The following PYY variants were observed in gnomAD, a reference collection of about 807,000 sequenced individuals.
PYY encodes the protein peptide YY.
Under a neutral mutation model 10.3 loss-of-function variants are expected in PYY, and 12 were observed. The ratio of observed to expected loss-of-function variants is 1.17; its 90% confidence interval spans 0.75 to 1.89. PYY has a LOEUF of 1.89. PYY is among the 40% of genes most tolerant of loss of function. The pLI is 0.00. For synonymous variants in PYY, 66 were observed against 62.0 expected, an observed-to-expected ratio of 1.06 and a Z score of -0.30; for missense variants, 141 against 134.0, an observed-to-expected ratio of 1.05 and a Z score of -0.26.
chr17:43,955,582 C>T (rs231462), upstream of PYY, among the ~76,000 whole-genome samples: 1 of 151,960 alleles, frequency 6.6e-6, no homozygotes, highest in Non-Finnish European at 1.5e-5. Flanking sequence ...AGATCCTGCC[C>T]TTGGAGGGAG....
intron 1 of PYY, among the ~76,000 whole-genome samples, chr17:43,983,081 A>G (rs887937435): frequency 1.3e-4 from 19 of 151,938 alleles, no homozygotes; most frequent in Non-Finnish European, 2.6e-4. Context: ...AAAATATAAA[A>G]ATGAGCCGGG....
chr17:43,982,438 G>A (rs1169965147), intron 1 of PYY, among the ~76,000 whole-genome samples: 1 of 152,274 alleles, frequency 6.6e-6, no homozygotes, highest in Non-Finnish European at 1.5e-5. Flanking sequence ...ACACACTCAT[G>A]TACGCCACTT....
At chr17:43,997,169 G>A (rs2048997198) in intron 1 of PYY, among the ~76,000 whole-genome samples, 1 of 152,054 alleles carries the variant, frequency 6.6e-6, no homozygotes, top group African/African-American at 2.4e-5. Context: ...CTCCTGAGTA[G>A]CTGGGATTAC....
chr17:43,969,867 C>T (rs58908349), intron 1 of PYY, among the ~76,000 whole-genome samples: 2 of 151,692 alleles, frequency 1.3e-5, no homozygotes, highest in East Asian at 2.0e-4. Flanking sequence ...CTCAGCCTCC[C>T]GAGTAGCTGG....
chr17:43,958,835 T>C (rs1017381034), upstream of PYY, among the ~76,000 whole-genome samples: 6 of 152,246 alleles, frequency 3.9e-5, no homozygotes, highest in African/African-American at 1.4e-4. Flanking sequence ...CAGGTGTATT[T>C]GTCATTGTAA....
intron 1 of PYY, among the ~76,000 whole-genome samples, chr17:44,002,654 A>G (rs1033911342): frequency 1.3e-5 from 2 of 152,278 alleles, no homozygotes; most frequent in African/African-American, 4.8e-5. Context: ...AAACTTGCTT[A>G]ACAGCATGGA....
chr17:43,980,603 A>T (rs1008801012), intron 1 of PYY, among the ~76,000 whole-genome samples: 3 of 151,834 alleles, frequency 2.0e-5, no homozygotes, highest in Non-Finnish European at 2.9e-5. Flanking sequence ...CCTCCGGAGT[A>T]GCTGGGATTA....
upstream of PYY, among the ~76,000 whole-genome samples, chr17:43,955,874 C>A (rs548607913): frequency 1.3e-5 from 2 of 151,908 alleles, no homozygotes; most frequent in Non-Finnish European, 2.9e-5. Context: ...TCTGTGATCC[C>A]AGGGATCAGG....
chr17:43,978,066 C>T (rs147848067), intron 1 of PYY, among the ~76,000 whole-genome samples: 7 of 146,402 alleles, frequency 4.8e-5, no homozygotes, highest in South Asian at 2.2e-4. Context: ...CATGGTGGCA[C>T]GCACCTGTAA....
Position 43,989,179 on chromosome 17 carries a change from C to T in PYY, c.-463+15212G>A, listed in dbSNP as rs537124239. 1.2e-3 allele frequency among the ~76,000 whole-genome samples: 175 copies of T among 152,042 alleles called. 1 individual carries two copies. The highest frequency in any genetic ancestry group is 2.9e-3 in the African/African-American group (122 of 41,524). ...CACGAGGTCAGGAGATCAAGACCAT[C>T]CTGGCTAACACGGTGAAACCCCGTC... is the stretch of plus-strand genomic sequence containing the variant. On this transcript the variant is annotated intron_variant, in intron 1 of 6. Transcript: ENST00000360085.
At chr17:43,971,324 C>T (rs528855500) in intron 1 of PYY, among the ~76,000 whole-genome samples, 2 of 152,170 alleles carry the variant, frequency 1.3e-5, no homozygotes, top group Non-Finnish European at 2.9e-5. Flanking sequence ...AATCCCAGCA[C>T]TTTGGGAGGC....
chr17:43,978,340 A>T (rs2048862154), intron 1 of PYY, among the ~76,000 whole-genome samples: 1 of 151,554 alleles, frequency 6.6e-6, no homozygotes, highest in Admixed American at 6.6e-5. Flanking sequence ...AGAAAAGGAA[A>T]GGAAGGAAAA....
intron 1 of PYY, among the ~76,000 whole-genome samples, chr17:44,000,673 C>T (rs1206042155): frequency 2.0e-5 from 3 of 151,424 alleles, no homozygotes; most frequent in Admixed American, 6.6e-5. Flanking sequence ...TTCAGCCTCC[C>T]GAGTAGCTGG....
chr17:43,956,020 C>T (rs1005245809), upstream of PYY, among the ~76,000 whole-genome samples: 4 of 151,970 alleles, frequency 2.6e-5, no homozygotes, highest in South Asian at 2.1e-4. Context: ...TGGACAGAGA[C>T]GAAGGAAACT....
chr17:43,957,994 C>CA (rs1233272429), upstream of PYY: 1 of 154,534 alleles, frequency 6.5e-6, no homozygotes, highest in Non-Finnish European at 1.5e-5. Context: ...GCGCCCAAGG[C>CA]TCAGGCTTCG....
intron 1 of PYY, among the ~76,000 whole-genome samples, chr17:43,980,134 T>G (rs1303995185): frequency 6.6e-6 from 1 of 151,302 alleles, no homozygotes; most frequent in East Asian, 1.9e-4. Flanking sequence ...ATAGTATTCT[T>G]TTTTCTTTCT....
intron 2 of PYY, among the ~76,000 whole-genome samples, chr17:43,961,628 C>G (rs1161719155): frequency 6.6e-6 from 1 of 152,090 alleles, no homozygotes; most frequent in African/African-American, 2.4e-5. Flanking sequence ...GCAACCTCCG[C>G]CTCCTGGGTT....
In PYY at chr17:43,953,326, C is replaced by T; in HGVS notation, c.158G>A (p.Arg53His). Residue 53 changes from arginine (R) to histidine (H), a missense_variant, in exon 2 of 4, where the codon CGC (arginine) becomes CAC (histidine). By Grantham distance (29) the Arg-to-His change is conservative. Transcript: ENST00000692052. ...EELNRYYASL[R>H]HYLNLVTRQR... ...CCGGGTGACCAGGTTGAGGTAGTGG[C>T]GCAGGGAGGCGTAGTAGCGGTTCAG... is the stretch of plus-strand genomic sequence containing the variant. 1.2e-6 allele frequency: 2 copies of T among 1,612,678 alleles called. No homozygotes were observed. The highest frequency in any genetic ancestry group is 8.5e-7 in the Non-Finnish European group (1 of 1,179,510).
In PYY at chr17:43,975,731, T is replaced by A. The variant is rs927441880; in HGVS notation, c.-462-9199A>T. Among the ~76,000 whole-genome samples, 494 of 91,210 alleles carry A rather than the reference T, an allele frequency of 5.4e-3. 122 individuals carry two copies. In the East Asian group the frequency reaches 0.079, roughly 15 times the overall value. The allele number at this position is 91,210 out of a possible 152,430, so 59.8% of individuals were successfully genotyped here. A position where few individuals can be genotyped will look rare whatever the true frequency, so the allele number is the denominator to read the frequency against. On this transcript the variant is annotated intron_variant, in intron 1 of 6. Transcript: ENST00000360085. ...TAAGACCCTGAAAAAAAAAAATATATATATATATATATATACACACACACA... is the reference window on the plus strand; with the variant it reads ...TAAGACCCTGAAAAAAAAAAATATAAATATATATATATATACACACACACA...
Sources: allele counts gnomAD v4.1 joint callset (sites outside exome capture counted in the v4.1 genomes callset), GRCh38; gene constraint gnomAD v4.1.1; transcripts MANE v1.5; gene names NCBI Gene and HGNC (gene_info 2026-07-23, HGNC 2026-07-21).